The following USP10 variants were observed in gnomAD, a reference collection of about 807,000 sequenced individuals.
The protein encoded by USP10 is ubiquitin carboxyl-terminal hydrolase 10.
A neutral mutation model predicts 84.5 loss-of-function variants in USP10; 22 were observed. The ratio of observed to expected loss-of-function variants is 0.26; its 90% confidence interval spans 0.19 to 0.37. USP10 has a LOEUF of 0.37. Ranked by LOEUF, USP10 falls within the 10% of genes least tolerant of loss-of-function variation. The pLI is 1.00. For synonymous variants in USP10, 454 were observed against 387.6 expected (o/e 1.17, Z -2.01); for missense variants, 1,019 against 998.9 (o/e 1.02, Z -0.27).
chr16:84,769,470 A>G (rs1407678433), intron 11 of USP10, among the ~76,000 whole-genome samples: 2 of 152,184 alleles, frequency 1.3e-5, no homozygotes, highest in Non-Finnish European at 2.9e-5. Flanking sequence ...GAAACTTGGT[A>G]GTTGACTTCA....
chr16:84,770,568 C>G lies in USP10; in HGVS notation c.1999-1973C>G, dbSNP rs555703443. ...CGGGTGGATCACGAGGTCAGGAGAT[C>G]GAGACCATCCTGGCTAACACGGTGA... On this transcript the variant is annotated intron_variant, in intron 11 of 13. Coordinates refer to ENST00000219473, the MANE Select transcript of USP10 (RefSeq NM_005153.3). 1.7e-4 allele frequency among the ~76,000 whole-genome samples: 26 copies of G among 152,120 alleles called. No homozygotes were observed. The South Asian group carries it at 3.7e-3, about 22-fold the overall frequency.
intron 4 of USP10, among the ~76,000 whole-genome samples, chr16:84,748,344 C>T (rs757649598): frequency 6.6e-6 from 1 of 151,822 alleles, no homozygotes; most frequent in African/African-American, 2.4e-5. Flanking sequence ...CACTCTGTCG[C>T]CCAGGCCGGA....
At chr16:84,774,239 T>C (rs1212421757) in intron 12 of USP10, among the ~76,000 whole-genome samples, 1 of 151,656 alleles carries the variant, frequency 6.6e-6, no homozygotes, top group African/African-American at 2.4e-5. Flanking sequence ...CAAGACTCCA[T>C]CTCAAAAAAA....
chr16:84,741,074 A>T (rs1910566042), intron 3 of USP10, among the ~76,000 whole-genome samples: 1 of 152,238 alleles, frequency 6.6e-6, no homozygotes, highest in Non-Finnish European at 1.5e-5. Flanking sequence ...CAGGAAACTG[A>T]TGCCAAACTT....
intron 8 of USP10, among the ~76,000 whole-genome samples, chr16:84,761,962 G>A (rs892578687): frequency 2.0e-5 from 3 of 152,234 alleles, no homozygotes; most frequent in Non-Finnish European, 2.9e-5. Flanking sequence ...TGCTGTCCAC[G>A]TCTACTATCT....
At chr16:84,737,009 T>C (rs921298695) in intron 2 of USP10, among the ~76,000 whole-genome samples, 16 of 152,188 alleles carry the variant, frequency 1.1e-4, no homozygotes, top group African/African-American at 3.6e-4. Context: ...AGGATGGTCT[T>C]GATCTCCTGA....
At chr16:84,700,140 A>G in intron 1 of USP10, 29 bp downstream of exon 1, 1 of 1,318,404 alleles carries the variant, frequency 7.6e-7, no homozygotes. Context: ...CTTCGGCCGG[A>G]AGGGGCCCGA....
intron 12 of USP10, 100 bp downstream of exon 12, chr16:84,772,785 A>G: frequency 6.9e-7 from 1 of 1,440,782 alleles, no homozygotes; most frequent in South Asian, 1.3e-5. Flanking sequence ...GAGTGAGGAC[A>G]TTCTCTTGCT....
chr16:84,777,595 G>T (rs1230144547), intron 13 of USP10, among the ~76,000 whole-genome samples: 2 of 152,178 alleles, frequency 1.3e-5, no homozygotes, highest in East Asian at 3.8e-4. Flanking sequence ...ATGCTGTTCA[G>T]TCTCCTCCGG....
At chr16:84,766,915 T>C (rs1913929071) in intron 10 of USP10, among the ~76,000 whole-genome samples, 1 of 152,222 alleles carries the variant, frequency 6.6e-6, no homozygotes, top group South Asian at 2.1e-4. Flanking sequence ...CCTCTTCAGA[T>C]GTTTTTCAGT....
chr16:84,756,126 G>A (rs1396835119), intron 4 of USP10, among the ~76,000 whole-genome samples: 1 of 137,636 alleles, frequency 7.3e-6, no homozygotes, highest in East Asian at 2.1e-4. Context: ...CTTCAGCTTA[G>A]CCTGTACAGT....
intron 3 of USP10, among the ~76,000 whole-genome samples, chr16:84,743,607 A>C (rs2150819965): frequency 6.6e-6 from 1 of 152,358 alleles, no homozygotes; most frequent in South Asian, 2.1e-4. Context: ...CATGCATTAA[A>C]GATGAAATAT....
intron 1 of USP10, among the ~76,000 whole-genome samples, chr16:84,702,149 CG>C (rs1904966577): frequency 7.0e-6 from 1 of 143,522 alleles, no homozygotes; most frequent in South Asian, 2.3e-4. Flanking sequence ...CTCTGCCTCC[CG>C]GGTTCAAGCG....
chr16:84,700,477 C>T (rs947171280), intron 1 of USP10, among the ~76,000 whole-genome samples: 1 of 152,002 alleles, frequency 6.6e-6, no homozygotes, highest in East Asian at 1.9e-4. Context: ...GGCCCGGGGG[C>T]TCCGGGAGTC....
At chr16:84,702,717 G>T (rs895278403) in intron 1 of USP10, among the ~76,000 whole-genome samples, 1 of 152,064 alleles carries the variant, frequency 6.6e-6, no homozygotes, top group African/African-American at 2.4e-5. Context: ...TTACAGGCCA[G>T]CGCGGTGGCT....
At chr16:84,716,621 G>C (rs1017453004) in intron 1 of USP10, 1 of 152,180 alleles carries the variant, frequency 6.6e-6, no homozygotes, top group Non-Finnish European at 1.5e-5. Flanking sequence ...TGAAGGACAA[G>C]TAGGACTTCT....
At chr16:84,714,741 A>T (rs1209209442) in intron 1 of USP10, among the ~76,000 whole-genome samples, 1 of 152,004 alleles carries the variant, frequency 6.6e-6, no homozygotes, top group Non-Finnish European at 1.5e-5. Flanking sequence ...CTGGAAGATG[A>T]ACGTCCTTAA....
intron 4 of USP10, among the ~76,000 whole-genome samples, chr16:84,748,775 T>C (rs949478437): frequency 7.9e-5 from 12 of 152,358 alleles, no homozygotes; most frequent in Non-Finnish European, 1.6e-4. Flanking sequence ...TAGTTTGTTA[T>C]GTTCTGTATA....
chr16:84,742,861 C>T (rs1214618620), intron 3 of USP10, among the ~76,000 whole-genome samples: 2 of 152,240 alleles, frequency 1.3e-5, no homozygotes, highest in East Asian at 3.8e-4. Context: ...GTTCACGTTA[C>T]ATCACATTCT....
Sources: allele counts gnomAD v4.1 joint callset (sites outside exome capture counted in the v4.1 genomes callset), GRCh38; gene constraint gnomAD v4.1.1; transcripts MANE v1.5; gene names NCBI Gene and HGNC (gene_info 2026-07-23, HGNC 2026-07-21).